The following DOCK3 variants were observed in gnomAD, a reference collection of about 807,000 sequenced individuals.
DOCK3 encodes dedicator of cytokinesis 3, also known as dedicator of cytokinesis protein 3.
DOCK3 carries 60 observed loss-of-function variants against 265.6 expected under a neutral mutation model. That is an observed-to-expected ratio of 0.23 (90% CI 0.18 to 0.28). DOCK3 has a LOEUF of 0.28. Ranked by LOEUF, DOCK3 falls within the 10% of genes least tolerant of loss-of-function variation. The pLI is 1.00. For synonymous variants in DOCK3, 881 were observed against 938.0 expected, an observed-to-expected ratio of 0.94 and a Z score of 1.11; for missense variants, 1,981 against 2,594.3, an observed-to-expected ratio of 0.76 and a Z score of 5.14.
rs1306108411 is a variant in DOCK3, at chr3:51,270,782, C to G, written c.2356-33C>G. The G allele has an allele frequency of 6.3e-6, 10 of 1,593,930 alleles. No individual in the cohort carries two copies. The South Asian group carries it at 7.0e-5, about 11-fold the overall frequency. On this transcript the variant is annotated intron_variant, in intron 23 of 52. Transcript: ENST00000266037. The stretch of plus-strand genomic sequence containing the variant: ...TGAAAGATAGACACACACCCTAACT[C>G]TGTGCTAACCACAGCTTCATTTGCT...
chr3:51,380,322 C>A, intron 52 of DOCK3, 115 bp downstream of exon 52: 2 of 1,011,556 alleles, frequency 2.0e-6, no homozygotes, highest in Admixed American at 5.4e-5. Context: ...ACCTCTCTCC[C>A]CAGCCTGGCA....
chr3:51,364,419 A>G (rs980410017), intron 49 of DOCK3, among the ~76,000 whole-genome samples: 3 of 151,780 alleles, frequency 2.0e-5, no homozygotes, highest in Non-Finnish European at 4.4e-5. Flanking sequence ...TTGTAAAAAT[A>G]TTCTCCCATT....
At chr3:51,371,162 G>C (rs1484491294) in intron 49 of DOCK3, among the ~76,000 whole-genome samples, 1 of 152,224 alleles carries the variant, frequency 6.6e-6, no homozygotes, top group East Asian at 1.9e-4. Context: ...ATGTTGTAAG[G>C]AATGGTGTGT....
At chr3:51,265,214 C>T (rs1027911986) in intron 23 of DOCK3, among the ~76,000 whole-genome samples, 2 of 152,116 alleles carry the variant, frequency 1.3e-5, no homozygotes, top group African/African-American at 4.8e-5. Context: ...AAATTAGCAG[C>T]GTACAACCAA....
intron 5 of DOCK3, among the ~76,000 whole-genome samples, chr3:51,005,897 AC>A (rs1382829575): frequency 6.6e-6 from 1 of 152,136 alleles, no homozygotes; most frequent in Non-Finnish European, 1.5e-5. Context: ...CTATCATCTA[AC>A]CCAGAGTAGA....
At chr3:50,865,929 C>T (rs772299902) in intron 3 of DOCK3, among the ~76,000 whole-genome samples, 4 of 152,040 alleles carry the variant, frequency 2.6e-5, no homozygotes, top group South Asian at 2.1e-4. Context: ...TTTCATATGC[C>T]GGTTTTGCAG....
At chr3:50,851,687 C>T (rs1219382533) in intron 3 of DOCK3, among the ~76,000 whole-genome samples, 2 of 152,096 alleles carry the variant, frequency 1.3e-5, no homozygotes, top group Non-Finnish European at 1.5e-5. Flanking sequence ...GTCTCATTGC[C>T]CTGGAGAAAC....
At chr3:51,349,031 G>T in intron 39 of DOCK3, 93 bp downstream of exon 39, 1 of 1,244,628 alleles carries the variant, frequency 8.0e-7, no homozygotes, top group South Asian at 1.3e-5. Flanking sequence ...TTAGTGCTGT[G>T]GACAATACAA....
intron 28 of DOCK3, among the ~76,000 whole-genome samples, chr3:51,310,866 T>TCC (rs1368417353): frequency 1.3e-5 from 2 of 152,234 alleles, no homozygotes; most frequent in African/African-American, 4.8e-5. Context: ...GGTCTCTCTC[T>TCC]ATTCAGCAGA....
At chr3:50,905,353 A>C (rs1434914614) in intron 4 of DOCK3, among the ~76,000 whole-genome samples, 2 of 152,042 alleles carry the variant, frequency 1.3e-5, no homozygotes, top group Non-Finnish European at 2.9e-5. Flanking sequence ...TACCTTGGGC[A>C]GTATGGCCAT....
intron 4 of DOCK3, among the ~76,000 whole-genome samples, chr3:50,901,910 C>G (rs1037187533): frequency 3.3e-5 from 5 of 152,188 alleles, no homozygotes; most frequent in Admixed American, 2.6e-4. Flanking sequence ...CGGAGCTGTT[C>G]CTATTCGGCC....
intron 12 of DOCK3, among the ~76,000 whole-genome samples, chr3:51,202,741 T>G (rs58916383): frequency 6.6e-6 from 1 of 151,532 alleles, no homozygotes; most frequent in Non-Finnish European, 1.5e-5. Context: ...ACCAATATCC[T>G]TGATGAACAT....
At chr3:51,131,873 A>C (rs2084569778) in intron 9 of DOCK3, among the ~76,000 whole-genome samples, 1 of 152,232 alleles carries the variant, frequency 6.6e-6, no homozygotes, top group Non-Finnish European at 1.5e-5. Flanking sequence ...TCTGGCATAC[A>C]GAAAAGAGCA....
intron 9 of DOCK3, among the ~76,000 whole-genome samples, chr3:51,102,240 T>C (rs1288977420): frequency 6.6e-6 from 1 of 152,234 alleles, no homozygotes; most frequent in East Asian, 1.9e-4. Flanking sequence ...TTCTCTACTT[T>C]TACATTTACA....
intron 5 of DOCK3, among the ~76,000 whole-genome samples, chr3:51,050,026 TA>T (rs551328743): frequency 2.0e-5 from 3 of 151,580 alleles, no homozygotes; most frequent in Non-Finnish European, 2.9e-5. Flanking sequence ...ATCCCTGCAA[TA>T]AAAAAAATAC....
chr3:51,369,001 C>T lies in DOCK3; in HGVS notation c.5294-5468C>T, dbSNP rs947220788. Among the ~76,000 whole-genome samples the T allele has an allele frequency of 2.0e-5, 3 of 152,212 alleles. No individual in the cohort carries two copies. In the East Asian group the frequency reaches 5.8e-4, roughly 29 times the overall value. On this transcript the variant is annotated intron_variant, in intron 49 of 52. Coordinates refer to ENST00000266037, the MANE Select transcript of DOCK3 (RefSeq NM_004947.5). The stretch of plus-strand genomic sequence containing the variant: ...TCCTGACTGTTAGAAGGAAAACTAA[C>T]AAACAGAAAGGACATGCACACAAAA...
intron 4 of DOCK3, among the ~76,000 whole-genome samples, chr3:50,923,817 A>G (rs2050626212): frequency 6.6e-6 from 1 of 152,144 alleles, no homozygotes; most frequent in African/African-American, 2.4e-5. Flanking sequence ...TTGATGGTTT[A>G]CTGTGCAGAG....
At chr3:51,248,821 T>G (rs2078979222) in intron 22 of DOCK3, among the ~76,000 whole-genome samples, 2 of 141,414 alleles carry the variant, frequency 1.4e-5, no homozygotes, top group Admixed American at 6.9e-5. Flanking sequence ...TCGTCTGGGA[T>G]GTGGAGAGCA....
intron 24 of DOCK3, among the ~76,000 whole-genome samples, chr3:51,272,936 G>A (rs984409533): frequency 6.6e-5 from 10 of 152,044 alleles, no homozygotes; most frequent in Admixed American, 1.3e-4. Context: ...AGGCCAAGGT[G>A]TGTGGATCAT....
Sources: allele counts gnomAD v4.1 joint callset (sites outside exome capture counted in the v4.1 genomes callset), GRCh38; gene constraint gnomAD v4.1.1; transcripts MANE v1.5; gene names NCBI Gene and HGNC (gene_info 2026-07-23, HGNC 2026-07-21).